The following RCOR1 variants were observed in gnomAD, a reference collection of about 807,000 sequenced individuals.
The protein encoded by RCOR1 is REST corepressor 1, also known as REST corepressor.
A neutral mutation model predicts 64.0 loss-of-function variants in RCOR1; 12 were observed. That is an observed-to-expected ratio of 0.19 (90% CI 0.12 to 0.30). The LOEUF (loss-of-function observed/expected upper bound fraction) is 0.30, where lower values mean the gene tolerates loss of function less well. Ranked by LOEUF, RCOR1 falls within the 10% of genes least tolerant of loss-of-function variation. The pLI is 1.00. For missense variants in RCOR1, 502 were observed against 621.2 expected (o/e 0.81, Z 2.04); for synonymous variants, 279 against 227.2 (o/e 1.23, Z -2.05).
intron 2 of RCOR1, among the ~76,000 whole-genome samples, chr14:102,647,199 A>G (rs1595210944): frequency 6.6e-6 from 1 of 152,220 alleles, no homozygotes; most frequent in Non-Finnish European, 1.5e-5. Flanking sequence ...GAAGATCTCA[A>G]AATCCTCCAG....
chr14:102,641,571 G>C lies in RCOR1; in HGVS notation c.362-40324G>C, dbSNP rs1304191148. Among the ~76,000 whole-genome samples, 3 of 152,166 alleles carry C rather than the reference G, an allele frequency of 2.0e-5. No homozygotes were observed. In the East Asian group the frequency reaches 5.8e-4, roughly 29 times the overall value. On this transcript the variant is annotated intron_variant, in intron 2 of 11. Transcript: ENST00000262241. ...GCCAAGATGTCGCCACTGCACTCCA[G>C]TCCCAACAACAGAGTGAGACCCTGT...
At chr14:102,598,447 CT>C (rs34776749) in intron 2 of RCOR1, among the ~76,000 whole-genome samples, 146 of 127,276 alleles carry the variant, frequency 1.1e-3, no homozygotes, top group East Asian at 2.2e-3. Flanking sequence ...TGATTCAGTT[CT>C]TTTTTTTTTT....
At position 102,592,848 on chromosome 14, in the gene RCOR1, C is replaced by CG. The variant is rs1893155212; in HGVS notation, c.-36dup. On this transcript the variant is annotated 5_prime_UTR_variant, in exon 1 of 12. Transcript: ENST00000262241. ...CTCGGCGCCCCCTCCTCAGGAGCCG[C>CG]GGGTCCCCGCCACTTTCGCACGGCC... The CG allele has an allele frequency of 1.7e-6, 2 of 1,177,816 alleles. No individual in the cohort carries two copies. Among genetic ancestry groups the CG allele is most frequent in the Non-Finnish European group, 2.1e-6 (2 of 955,804 alleles). The allele number at this position is 1,177,816 out of a possible 1,614,324, so 73.0% of individuals were successfully genotyped here.
At chr14:102,623,903 C>G (rs1038685335) in intron 2 of RCOR1, among the ~76,000 whole-genome samples, 10 of 151,102 alleles carry the variant, frequency 6.6e-5, no homozygotes, top group African/African-American at 2.4e-4. Flanking sequence ...AAAAAAAATA[C>G]AAAACATTAG....
At chr14:102,600,567 A>AT (rs1893370397) in intron 2 of RCOR1, among the ~76,000 whole-genome samples, 1 of 144,938 alleles carries the variant, frequency 6.9e-6, no homozygotes, top group African/African-American at 2.6e-5. Context: ...ATGCCCAGCT[A>AT]ATTTTTTTTT....
At chr14:102,692,182 T>C (rs1018067538) in intron 3 of RCOR1, among the ~76,000 whole-genome samples, 1 of 152,128 alleles carries the variant, frequency 6.6e-6, no homozygotes, top group Non-Finnish European at 1.5e-5. Context: ...TAAAAAGAGG[T>C]GTATATTGAT....
At chr14:102,696,968 A>G (rs978288700) in intron 3 of RCOR1, among the ~76,000 whole-genome samples, 3 of 152,020 alleles carry the variant, frequency 2.0e-5, no homozygotes, top group Admixed American at 2.0e-4. Context: ...AGCTACTGGT[A>G]TAACTCTGTA....
At chr14:102,689,617 T>C (rs975631812) in intron 3 of RCOR1, among the ~76,000 whole-genome samples, 35 of 152,334 alleles carry the variant, frequency 2.3e-4, no homozygotes, top group Admixed American at 9.2e-4. Flanking sequence ...GTTTGTGCAG[T>C]TATTTAAGTG....
chr14:102,714,171 C>T (rs1896016369), intron 7 of RCOR1, among the ~76,000 whole-genome samples: 1 of 152,094 alleles, frequency 6.6e-6, no homozygotes, highest in South Asian at 2.1e-4. Flanking sequence ...TTTTCATTGG[C>T]TTGAAACGAT....
chr14:102,620,296 G>A (rs1204307695), intron 2 of RCOR1, among the ~76,000 whole-genome samples: 2 of 150,744 alleles, frequency 1.3e-5, no homozygotes, highest in African/African-American at 2.4e-5. Context: ...GGCGGGGTGC[G>A]GTGGCTCACG....
intron 3 of RCOR1, among the ~76,000 whole-genome samples, chr14:102,698,587 C>T (rs1895691220): frequency 6.6e-6 from 1 of 152,226 alleles, no homozygotes; most frequent in Non-Finnish European, 1.5e-5. Flanking sequence ...TTTAAACAAG[C>T]AGACCTTCTC....
chr14:102,667,383 C>T (rs1402146097), intron 2 of RCOR1, among the ~76,000 whole-genome samples: 1 of 151,880 alleles, frequency 6.6e-6, no homozygotes, highest in Non-Finnish European at 1.5e-5. Flanking sequence ...TGCCTGTAAT[C>T]CCAGCTGCTC....
chr14:102,615,429 A>G (rs990205346), intron 2 of RCOR1, among the ~76,000 whole-genome samples: 1 of 146,574 alleles, frequency 6.8e-6, no homozygotes. Flanking sequence ...GGCATGAGCC[A>G]CCTTGGCCTG....
At chr14:102,613,791 A>T (rs1475088850) in intron 2 of RCOR1, among the ~76,000 whole-genome samples, 1 of 149,726 alleles carries the variant, frequency 6.7e-6, no homozygotes, top group African/African-American at 2.5e-5. Flanking sequence ...TCCTGGCCTC[A>T]AGCAGTCCTC....
chr14:102,609,294 C>T (rs1359498698), intron 2 of RCOR1, among the ~76,000 whole-genome samples: 2 of 151,988 alleles, frequency 1.3e-5, no homozygotes, highest in East Asian at 1.9e-4. Context: ...CCGCCTGCCT[C>T]GGCCTCTCAA....
At chr14:102,709,247 A>G (rs948710560) in intron 6 of RCOR1, among the ~76,000 whole-genome samples, 19 of 152,192 alleles carry the variant, frequency 1.2e-4, no homozygotes, top group African/African-American at 4.6e-4. Flanking sequence ...AAAATTGTAC[A>G]TACTCACAGG....
chr14:102,603,941 T>C (rs900278446), intron 2 of RCOR1, among the ~76,000 whole-genome samples: 1 of 152,204 alleles, frequency 6.6e-6, no homozygotes, highest in African/African-American at 2.4e-5. Context: ...TTTGTTAGAA[T>C]TGCACATATG....
intron 2 of RCOR1, among the ~76,000 whole-genome samples, chr14:102,598,444 G>A (rs963049992): frequency 1.4e-4 from 20 of 138,988 alleles, no homozygotes; most frequent in Non-Finnish European, 4.7e-5. Flanking sequence ...TCCTGATTCA[G>A]TTCTTTTTTT....
chr14:102,612,780 G>A (rs1893657871), intron 2 of RCOR1, among the ~76,000 whole-genome samples: 1 of 151,702 alleles, frequency 6.6e-6, no homozygotes, highest in Non-Finnish European at 1.5e-5. Context: ...CTTGATGCCA[G>A]GAGCTAGAGA....
Sources: gnomAD v4.1 joint callset for allele counts (sites outside exome capture counted in the v4.1 genomes callset) on GRCh38, gnomAD v4.1.1 for gene constraint, MANE v1.5 for transcripts, NCBI Gene and HGNC (gene_info 2026-07-23, HGNC 2026-07-21) for gene names.